SCRG1: variants seen among roughly 807,000 people sequenced by gnomAD.
The protein encoded by SCRG1 is stimulator of chondrogenesis 1.
SCRG1 carries 3 observed loss-of-function variants against 7.7 expected under a neutral mutation model. That is an observed-to-expected ratio of 0.39 (90% CI 0.18 to 1.01). The LOEUF is 1.01. Among genes scored for constraint, SCRG1 ranks in the 50% least tolerant of loss-of-function variants. The probability of loss-of-function intolerance (pLI) is 0.36; values close to 1 mark genes in which losing one functional copy is unlikely to be tolerated. For synonymous variants in SCRG1, 46 were observed against 41.2 expected, an observed-to-expected ratio of 1.12 and a Z score of -0.44; for missense variants, 110 against 117.2, an observed-to-expected ratio of 0.94 and a Z score of 0.28.
chr4:173,388,969 C>A (rs773897753), intron 2 of SCRG1, among the ~76,000 whole-genome samples: 7 of 152,050 alleles, frequency 4.6e-5, no homozygotes, highest in Admixed American at 6.6e-5. Context: ...ATCAAGTATA[C>A]CCACACTGCT....
At chr4:173,500,364 C>A in the SCRG1 span, among the ~76,000 whole-genome samples, 1 of 152,224 alleles carries the variant, frequency 6.6e-6, no homozygotes, top group Non-Finnish European at 1.5e-5. Context: ...TTCGCGCCCA[C>A]CCCTGTTCGC....
chr4:173,423,365 A>T, the SCRG1 span, among the ~76,000 whole-genome samples: 5 of 152,150 alleles, frequency 3.3e-5, no homozygotes, highest in Admixed American at 6.5e-5. Flanking sequence ...AGGCCAAAAA[A>T]CTTAGTTGGA....
intron 1 of SCRG1, among the ~76,000 whole-genome samples, chr4:173,392,224 T>C (rs1032063720): frequency 3.3e-5 from 5 of 152,220 alleles, no homozygotes; most frequent in Admixed American, 2.0e-4. Flanking sequence ...TATAGTTTGA[T>C]TGTTTTTTAA....
chr4:173,485,002 T>C, the SCRG1 span, among the ~76,000 whole-genome samples: 2 of 10,278 alleles, frequency 1.9e-4, no homozygotes, highest in East Asian at 0.013. Context: ...TAATATATTA[T>C]AAATATAATA....
In SCRG1 at chr4:173,384,966, G is replaced by A. The variant is rs2126909540; in HGVS notation, c.*3375C>T. ...GGTAATGCTGTTAAACAACATAGTGGTTAAGACTCTAGATGCTAGTGTAAG... is the reference window on the plus strand; with the variant it reads ...GGTAATGCTGTTAAACAACATAGTGATTAAGACTCTAGATGCTAGTGTAAG... On this transcript the variant is annotated 3_prime_UTR_variant, in exon 3 of 3. Coordinates refer to ENST00000296506, the MANE Select transcript of SCRG1 (RefSeq NM_007281.4). 6.6e-6 allele frequency: 1 copy of A among 152,238 alleles called. No individual in the cohort carries two copies. 9.4% of individuals were successfully genotyped at this position (152,238 alleles called of 1,614,324 possible). A position where few individuals can be genotyped will look rare whatever the true frequency, so the allele number is the denominator to read the frequency against.
chr4:173,473,711 C>T, the SCRG1 span, among the ~76,000 whole-genome samples: 1 of 152,106 alleles, frequency 6.6e-6, no homozygotes. Flanking sequence ...GTCTGAGGGG[C>T]TTGGGAGGCA....
the SCRG1 span, among the ~76,000 whole-genome samples, chr4:173,417,583 T>TCTCC: frequency 1.3e-3 from 192 of 151,270 alleles, no homozygotes; most frequent in African/African-American, 4.2e-3. Context: ...TCATAACTAG[T>TCTCC]CTCCCTCCCT....
chr4:173,399,807 A>T (rs999347451), upstream of SCRG1, among the ~76,000 whole-genome samples: 1 of 152,198 alleles, frequency 6.6e-6, no homozygotes, highest in Non-Finnish European at 1.5e-5. Flanking sequence ...TTTTTAAAAA[A>T]TTCGATTAGG....
At chr4:173,434,757 G>C in the SCRG1 span, among the ~76,000 whole-genome samples, 1 of 152,176 alleles carries the variant, frequency 6.6e-6, no homozygotes, top group Non-Finnish European at 1.5e-5. Context: ...CTCGAACCTG[G>C]GAGGCGGAGG....
At chr4:173,391,048 G>C in intron 2 of SCRG1, 125 bp downstream of exon 2, 3 of 924,096 alleles carry the variant, frequency 3.2e-6, no homozygotes, top group Non-Finnish European at 3.4e-6. Flanking sequence ...CTAGAAAAGA[G>C]CTGGGATTGG....
the SCRG1 span, among the ~76,000 whole-genome samples, chr4:173,413,256 A>G: frequency 6.6e-6 from 1 of 152,254 alleles, no homozygotes; most frequent in Non-Finnish European, 1.5e-5. Context: ...AGTTGTTAGG[A>G]GAAGCAGATG....
chr4:173,463,412 C>T, the SCRG1 span, among the ~76,000 whole-genome samples: 1 of 152,226 alleles, frequency 6.6e-6, no homozygotes, highest in Admixed American at 6.5e-5. Flanking sequence ...GTAGCTGGGA[C>T]CACAGGCACA....
At chr4:173,470,030 A>C in the SCRG1 span, 2 of 151,774 alleles carry the variant, frequency 1.3e-5, no homozygotes, top group South Asian at 4.2e-4. Flanking sequence ...AAGAATGCCC[A>C]GACAGAGTCA....
upstream of SCRG1, among the ~76,000 whole-genome samples, chr4:173,403,569 G>A (rs1184805563): frequency 2.0e-5 from 3 of 152,256 alleles, no homozygotes; most frequent in African/African-American, 7.2e-5. Context: ...TTTCAATGCT[G>A]CAGAAATAAA....
chr4:173,429,368 T>C, the SCRG1 span, among the ~76,000 whole-genome samples: 5 of 152,260 alleles, frequency 3.3e-5, no homozygotes, highest in South Asian at 1.0e-3. Context: ...TACCATAGCT[T>C]CAAACTTTCA....
At chr4:173,442,318 C>T in the SCRG1 span, among the ~76,000 whole-genome samples, 1 of 152,218 alleles carries the variant, frequency 6.6e-6, no homozygotes, top group Non-Finnish European at 1.5e-5. Context: ...AACCATGTCT[C>T]TGATGTGCCT....
the SCRG1 span, among the ~76,000 whole-genome samples, chr4:173,473,730 G>A: frequency 4.5e-4 from 69 of 152,294 alleles, no homozygotes; most frequent in Admixed American, 1.9e-3. Flanking sequence ...CAATAAGGCC[G>A]TGGGGGGTTG....
chr4:173,419,064 A>G, the SCRG1 span, among the ~76,000 whole-genome samples: 2 of 152,214 alleles, frequency 1.3e-5, no homozygotes, highest in African/African-American at 4.8e-5. Flanking sequence ...TAGTGTTAGT[A>G]GTGGCTGAGG....
At chr4:173,515,586 C>CTGTG in the SCRG1 span, among the ~76,000 whole-genome samples, 299 of 150,704 alleles carry the variant, frequency 2.0e-3, 1 homozygote, top group Admixed American at 3.9e-3. This position sits in a 1 kb window ranked among gnomAD's most constrained non-coding sequence, Gnocchi z 4.6. Context: ...GTGTGTGTGT[C>CTGTG]TGTGTGTGTG....
Sources: allele counts gnomAD v4.1 joint callset (sites outside exome capture counted in the v4.1 genomes callset), GRCh38; gene constraint gnomAD v4.1.1; non-coding constraint Gnocchi (gnomAD v3.1); transcripts MANE v1.5; gene names NCBI Gene and HGNC (gene_info 2026-07-23, HGNC 2026-07-21).